The following PAK6 variants were observed in gnomAD, a reference collection of about 807,000 sequenced individuals.
The protein encoded by PAK6 is p21 (RAC1) activated kinase 6.
Under a neutral mutation model 60.8 loss-of-function variants are expected in PAK6, and 33 were observed. The ratio of observed to expected loss-of-function variants is 0.54; its 90% confidence interval spans 0.41 to 0.73. PAK6 has a LOEUF of 0.73. PAK6 is among the 30% of genes least tolerant of loss of function. PAK6 has a pLI of 0.00. For synonymous variants in PAK6, 404 were observed against 378.5 expected (o/e 1.07, Z -0.78); for missense variants, 845 against 904.1 (o/e 0.93, Z 0.84).
chr15:40,244,330 A>G (rs1319156920), intron 2 of PAK6, among the ~76,000 whole-genome samples: 1 of 1,174 alleles, frequency 8.5e-4, no homozygotes. Flanking sequence ...ACTCTGTCTC[A>G]AAAAAAAAAA....
chr15:40,274,339 A>G, intron 10 of PAK6, 63 bp downstream of exon 10: 1 of 1,494,412 alleles, frequency 6.7e-7, no homozygotes, highest in South Asian at 1.3e-5. Flanking sequence ...AGGGGACCAG[A>G]ACCTGGGCTC....
chr15:40,252,637 G>T, intron 2 of PAK6: 1 of 1,332,932 alleles, frequency 7.5e-7, no homozygotes, highest in East Asian at 4.8e-5. Flanking sequence ...TCCCGCGGAG[G>T]GCGGGCCCGG....
chr15:40,253,290 G>C lies in PAK6; in HGVS notation c.-6+1G>C, dbSNP rs151044706. On this transcript the variant is annotated splice_donor_variant, in intron 3 of 10. Transcript: ENST00000560346. LOFTEE classifies it low-confidence loss of function (5UTR_SPLICE). ...AGGAAGAGGCGGAAGGCGCCGGAAGGTGAGTGAGCGAGCGGCCCCCGGCCC... is the reference window on the plus strand; with the variant it reads ...AGGAAGAGGCGGAAGGCGCCGGAAGCTGAGTGAGCGAGCGGCCCCCGGCCC... 281 of 455,552 alleles carry C rather than the reference G, an allele frequency of 6.2e-4. No homozygotes were observed. The highest frequency in any genetic ancestry group is 1.1e-3 in the Non-Finnish European group (253 of 226,782). 28.2% of individuals were successfully genotyped at this position (455,552 alleles called of 1,614,324 possible).
exon 3 of PAK6, chr15:40,253,230 C>G: frequency 4.4e-6 from 2 of 456,126 alleles, no homozygotes; most frequent in South Asian, 3.1e-5. Context: ...TCCTCAGCGC[C>G]TAAGAGAGAG....
chr15:40,262,967 G>A (rs574926563), intron 3 of PAK6, among the ~76,000 whole-genome samples: 1 of 152,324 alleles, frequency 6.6e-6, no homozygotes, highest in South Asian at 2.1e-4. Flanking sequence ...TAAGGGTCCT[G>A]TACATGTGGC....
intron 2 of PAK6, chr15:40,251,022 A>G (rs1048163): frequency 0.24 from 37,295 of 152,406 alleles, 5,454 homozygotes; most frequent in Non-Finnish European, 0.34. Flanking sequence ...CCCCTCATCC[A>G]AGGCCTAGCA....
chr15:40,271,222 A>G (rs2039292749), intron 5 of PAK6, among the ~76,000 whole-genome samples: 1 of 152,216 alleles, frequency 6.6e-6, no homozygotes. Flanking sequence ...GGAGAACCCA[A>G]AGATGGGCGG....
At position 40,264,946 on chromosome 15, in the gene PAK6, TG is replaced by T. The variant is rs2039081350; in HGVS notation, c.163del (p.Asp55ThrfsTer13). On this transcript the variant is annotated frameshift_variant, in exon 4 of 11. Coordinates refer to ENST00000560346, the Ensembl canonical transcript of PAK6. LOFTEE classifies it high-confidence loss of function. ...ACACTGCGGCGCCCCAAGCCCGTGG[TG>T]GACCCTTCGCGAATCACACGGGTGC... The T allele has an allele frequency of 6.2e-7, 1 of 1,613,568 alleles. No individual in the cohort carries two copies. Among genetic ancestry groups the T allele is most frequent in the African/African-American group, 1.3e-5 (1 of 74,924 alleles).
exon 5 of PAK6, chr15:40,265,958 C>T (rs150318570): frequency 8.5e-5 from 136 of 1,605,228 alleles, no homozygotes; most frequent in Non-Finnish European, 1.1e-4. Flanking sequence ...GCCCCACCAG[C>T]CGGCGGCGGG....
chr15:40,263,206 AAG>A (rs977086362), intron 3 of PAK6, among the ~76,000 whole-genome samples: 17 of 152,308 alleles, frequency 1.1e-4, no homozygotes, highest in African/African-American at 3.6e-4. Context: ...CAAGAGCCAA[AAG>A]AGAACATGAC....
At chr15:40,272,297 C>G in exon 6 of PAK6, 1 of 1,613,988 alleles carries the variant, frequency 6.2e-7, no homozygotes, top group South Asian at 1.1e-5. Flanking sequence ...TCCTTGCCCT[C>G]GGACCAGCCG....
At chr15:40,252,368 C>CCA (rs1455282282) in intron 2 of PAK6, 5 of 1,311,932 alleles carry the variant, frequency 3.8e-6, no homozygotes, top group Non-Finnish European at 5.0e-6. Flanking sequence ...TGTGGCCAGG[C>CCA]CAGGGCCCGG....
intron 3 of PAK6, among the ~76,000 whole-genome samples, chr15:40,255,959 G>A (rs1199844803): frequency 1.3e-5 from 2 of 152,232 alleles, no homozygotes; most frequent in Admixed American, 6.5e-5. Context: ...CTGTTTGGAA[G>A]AAGCAAACTA....
chr15:40,274,770 A>G (rs955176600), intron 10 of PAK6, among the ~76,000 whole-genome samples: 7 of 152,238 alleles, frequency 4.6e-5, no homozygotes, highest in Non-Finnish European at 1.0e-4. Flanking sequence ...TAAAGCCAGT[A>G]TAAGTGCATG....
chr15:40,271,401 C>T (rs1042795702), intron 5 of PAK6, among the ~76,000 whole-genome samples: 1 of 152,162 alleles, frequency 6.6e-6, no homozygotes, highest in African/African-American at 2.4e-5. Context: ...AGGCCCCCTA[C>T]CTTCTCCTCC....
chr15:40,249,934 G>C (rs1271695941), intron 2 of PAK6, among the ~76,000 whole-genome samples: 2 of 152,258 alleles, frequency 1.3e-5, no homozygotes, highest in Non-Finnish European at 2.9e-5. Flanking sequence ...GTCTCTTCCA[G>C]AGATCCTACC....
chr15:40,263,921 T>A (rs1376783019), intron 3 of PAK6: 3 of 455,958 alleles, frequency 6.6e-6, no homozygotes, highest in South Asian at 4.6e-5. Context: ...CCGGCCCAGG[T>A]GATGTTTTAC....
At chr15:40,240,797 C>A (rs982710839) in intron 2 of PAK6, 116 bp downstream of exon 2, 2 of 352,020 alleles carry the variant, frequency 5.7e-6, no homozygotes, top group African/African-American at 2.2e-5. Context: ...GCTGTGGGTT[C>A]CTGGGTCAAG....
At chr15:40,257,614 C>T (rs1212198990) in intron 3 of PAK6, among the ~76,000 whole-genome samples, 1 of 152,244 alleles carries the variant, frequency 6.6e-6, no homozygotes, top group Non-Finnish European at 1.5e-5. Flanking sequence ...GGTACATTCC[C>T]AAGTGGTCTG....
Sources: gnomAD v4.1 joint callset for allele counts (sites outside exome capture counted in the v4.1 genomes callset) on GRCh38, gnomAD v4.1.1 for gene constraint, MANE v1.5 for transcripts, NCBI Gene and HGNC (gene_info 2026-07-23, HGNC 2026-07-21) for gene names.